The following HNRNPM variants were observed in gnomAD, a reference collection of about 807,000 sequenced individuals.
The protein encoded by HNRNPM is CEA receptor.
In HNRNPM, 11 loss-of-function variants were observed where a neutral mutation model predicts 73.1. That is an observed-to-expected ratio of 0.15 (90% CI 0.09 to 0.25). The LOEUF (loss-of-function observed/expected upper bound fraction) is 0.25. Ranked by LOEUF, HNRNPM falls within the 10% of genes least tolerant of loss-of-function variation. The probability of loss-of-function intolerance (pLI) is 1.00; values close to 1 mark genes in which losing one functional copy is unlikely to be tolerated. For synonymous variants in HNRNPM, 407 were observed against 355.2 expected, an observed-to-expected ratio of 1.15 and a Z score of -1.64; for missense variants, 789 against 1,067.9, an observed-to-expected ratio of 0.74 and a Z score of 3.64.
At chr19:8,464,201 C>T (rs1296905298) in intron 5 of HNRNPM, among the ~76,000 whole-genome samples, 1 of 151,562 alleles carries the variant, frequency 6.6e-6, no homozygotes, top group African/African-American at 2.4e-5. Flanking sequence ...GCTGAGATTG[C>T]ACCATTGCAC....
chr19:8,455,786 T>G (rs1968970727), intron 2 of HNRNPM, among the ~76,000 whole-genome samples: 1 of 151,212 alleles, frequency 6.6e-6, no homozygotes, highest in South Asian at 2.1e-4. Context: ...CATACCCCTG[T>G]GTGTCAAACA....
chr19:8,477,106 C>G (rs1312958468), intron 12 of HNRNPM, among the ~76,000 whole-genome samples: 3 of 152,090 alleles, frequency 2.0e-5, no homozygotes, highest in Non-Finnish European at 4.4e-5. Context: ...GCAAGGTGTT[C>G]ATTACATCGC....
chr19:8,479,606 A>G (rs979812516), intron 12 of HNRNPM, among the ~76,000 whole-genome samples: 2 of 151,750 alleles, frequency 1.3e-5, no homozygotes, highest in Non-Finnish European at 2.9e-5. Flanking sequence ...ACATGCCACC[A>G]TGCCCAGCTA....
intron 10 of HNRNPM, among the ~76,000 whole-genome samples, chr19:8,472,981 A>G (rs1599814722): frequency 6.6e-6 from 1 of 152,180 alleles, no homozygotes; most frequent in Non-Finnish European, 1.5e-5. Context: ...TTCATGTTTA[A>G]TACTGCCTAA....
intron 2 of HNRNPM, among the ~76,000 whole-genome samples, chr19:8,457,923 GGGCTGTTGTAACCTAAGCACTC>G (rs1969133904): frequency 6.6e-6 from 1 of 152,162 alleles, no homozygotes; most frequent in Non-Finnish European, 1.5e-5. Context: ...ACAGAGATCT[GGGCTGTTGTAACCTAAGCACTC>G]TTTATCAGTC....
At chr19:8,475,454 T>C (rs1202865483) in intron 12 of HNRNPM, among the ~76,000 whole-genome samples, 1 of 152,262 alleles carries the variant, frequency 6.6e-6, no homozygotes, top group Non-Finnish European at 1.5e-5. Context: ...TAAACCTTCC[T>C]TTGCGGGTCT....
intron 13 of HNRNPM, 132 bp from the exon 14 acceptor site, chr19:8,485,471 G>A: frequency 1.1e-6 from 1 of 893,786 alleles, no homozygotes; most frequent in East Asian, 2.4e-5. Flanking sequence ...AACATTTGAG[G>A]GGTGTCTTAA....
rs2145629758 is a variant in HNRNPM, at chr19:8,455,466, A to G, written c.175A>G (p.Asn59Asp). The G allele has an allele frequency of 3.7e-6, 6 of 1,614,086 alleles. No individual in the cohort carries two copies. The highest frequency in any genetic ancestry group is 5.1e-6 in the Non-Finnish European group (6 of 1,179,918). The change falls in exon 2 of 16, where the codon AAT becomes GAT. Residue 59 changes from asparagine (N) to aspartate (D), a missense_variant. By Grantham distance (23) the Asn-to-Asp change is conservative. This residue lies in a region of HNRNPM where 63 missense variants were observed against 147.4 expected (regional missense o/e 0.43). Transcript: ENST00000325495. ...GGAGAAAAACATAAAAAGAGGAGGC[A>G]ATCGCTTTGAGCCATATGCCAATCC... ...RKEKNIKRGG[N>D]RFEPYANPTK...
At chr19:8,479,814 G>T (rs1970782859) in intron 12 of HNRNPM, among the ~76,000 whole-genome samples, 1 of 118,520 alleles carries the variant, frequency 8.4e-6, no homozygotes, top group Non-Finnish European at 1.7e-5. Flanking sequence ...TCGCTCTATT[G>T]CCCAGGCTGG....
At chr19:8,480,706 T>G (rs984944470) in intron 12 of HNRNPM, among the ~76,000 whole-genome samples, 10 of 151,958 alleles carry the variant, frequency 6.6e-5, no homozygotes, top group African/African-American at 2.4e-4. Flanking sequence ...CTGTAGGAAC[T>G]TTTTCTTGCT....
intron 10 of HNRNPM, among the ~76,000 whole-genome samples, chr19:8,472,382 A>AT (rs1411965007): frequency 1.3e-5 from 2 of 152,088 alleles, no homozygotes; most frequent in Admixed American, 6.5e-5. Flanking sequence ...TCAGTGTTGC[A>AT]TATCCCTAGA....
intron 1 of HNRNPM, among the ~76,000 whole-genome samples, chr19:8,450,473 C>T (rs142267359): frequency 2.0e-5 from 3 of 151,366 alleles, no homozygotes; most frequent in East Asian, 2.0e-4. Context: ...GTGCAGTGTA[C>T]GATCTCTACT....
At chr19:8,472,781 C>A (rs939798370) in intron 10 of HNRNPM, among the ~76,000 whole-genome samples, 4 of 152,108 alleles carry the variant, frequency 2.6e-5, no homozygotes, top group African/African-American at 9.7e-5. Context: ...AGGGTTTCAC[C>A]ATGTTGGTCA....
chr19:8,446,602 G>T (rs146347978), intron 1 of HNRNPM, among the ~76,000 whole-genome samples: 35 of 152,086 alleles, frequency 2.3e-4, no homozygotes, highest in Middle Eastern at 3.4e-3. Context: ...GAGGTCTCCG[G>T]GTGTTGCCCA....
chr19:8,445,662 A>G (rs944433334), intron 1 of HNRNPM: 1 of 152,306 alleles, frequency 6.6e-6, no homozygotes, highest in African/African-American at 2.4e-5. Context: ...CCCGCCCCTT[A>G]GTCCCCGCGC....
intron 1 of HNRNPM, 185 bp downstream of exon 1, chr19:8,445,296 A>C: frequency 2.1e-6 from 1 of 475,002 alleles, no homozygotes; most frequent in Non-Finnish European, 3.5e-6. Flanking sequence ...AGCCTCCAGA[A>C]TCGTCCCCTA....
chr19:8,470,515 A>G (rs1336367056), intron 9 of HNRNPM, among the ~76,000 whole-genome samples: 1 of 150,940 alleles, frequency 6.6e-6, no homozygotes, highest in Non-Finnish European at 1.5e-5. Context: ...TTTAGTAGAG[A>G]TGGGGTTTTG....
rs180717977 is a variant in HNRNPM at position 8,474,052 on chromosome 19, T to C, written c.1043-115T>C. ...TTTTGTTTTTCAAAAGCCTTTAAAC[T>C]TGGTAAGTTCTTGGCAGAAGATACC... On this transcript the variant is annotated intron_variant, in intron 11 of 15. Coordinates refer to ENST00000325495, the MANE Select transcript of HNRNPM (RefSeq NM_005968.5). The C allele has an allele frequency of 5.4e-3, 4,107 of 766,814 alleles. 25 individuals carry two copies. Among genetic ancestry groups the C allele is most frequent in the Non-Finnish European group, 5.2e-3 (2,510 of 482,234 alleles). The allele number at this position is 766,814 out of a possible 1,614,324, so 47.5% of individuals were successfully genotyped here.
At chr19:8,474,385 T>C (rs1192693755) in intron 12 of HNRNPM, 141 bp downstream of exon 12, 11 of 545,706 alleles carry the variant, frequency 2.0e-5, no homozygotes, top group Non-Finnish European at 3.6e-5. Flanking sequence ...TTGAATTGCC[T>C]TAAATATTTC....
Sources: allele counts gnomAD v4.1 joint callset (sites outside exome capture counted in the v4.1 genomes callset), GRCh38; gene constraint gnomAD v4.1.1; regional missense constraint gnomAD v4.1.1; transcripts MANE v1.5; gene names NCBI Gene and HGNC (gene_info 2026-07-23, HGNC 2026-07-21).